Variants in COL12A1 observed in about 807,000 individuals in gnomAD.
COL12A1 encodes collagen alpha-1(XII) chain.
A neutral mutation model predicts 349.7 loss-of-function variants in COL12A1; 114 were observed. The observed-to-expected ratio is 0.33, with a 90% CI of 0.28 to 0.38. The LOEUF is 0.38. Among genes scored for constraint, COL12A1 ranks in the 10% least tolerant of loss-of-function variants. COL12A1 has a pLI of 1.00. For synonymous variants in COL12A1, 1,369 were observed against 1,329.0 expected, an observed-to-expected ratio of 1.03 and a Z score of -0.66; for missense variants, 3,284 against 3,756.9, an observed-to-expected ratio of 0.87 and a Z score of 3.29.
intron 14 of COL12A1, among the ~76,000 whole-genome samples, chr6:75,160,690 T>C (rs1335640832): frequency 6.6e-6 from 1 of 152,188 alleles, no homozygotes; most frequent in Non-Finnish European, 1.5e-5. Context: ...AAGTTCCTGA[T>C]ATAAAATGGC....
Position 75,090,399 on chromosome 6 carries a change from C to T in COL12A1, c.8753-101G>A, listed in dbSNP as rs1044585387. 11 of 1,087,118 alleles carry T rather than the reference C, an allele frequency of 1.0e-5. No homozygotes were observed. The African/African-American group carries it at 1.6e-4, about 16-fold the overall frequency. 67.3% of individuals were successfully genotyped at this position (1,087,118 alleles called of 1,614,324 possible). A position where few individuals can be genotyped will look rare whatever the true frequency, so the allele number is the denominator to read the frequency against. ...GTGTCTAGTGAAATCCATCTCCATT[C>T]TGCAACCCCTCTAAGGAAACAATCT... On this transcript the variant is annotated intron_variant, in intron 62 of 65. Coordinates refer to ENST00000322507, the MANE Select transcript of COL12A1 (RefSeq NM_004370.6). This position sits in a 1 kb window ranked among gnomAD's most constrained non-coding sequence, Gnocchi z 4.1.
intron 58 of COL12A1, among the ~76,000 whole-genome samples, chr6:75,098,843 C>T (rs1014373641): frequency 3.3e-5 from 5 of 152,200 alleles, no homozygotes; most frequent in East Asian, 1.9e-4. Context: ...CAGGCTTGAT[C>T]TCTGGCTCGT....
At chr6:75,137,355 C>A in intron 31 of COL12A1, 82 bp downstream of exon 31, 1 of 1,265,720 alleles carries the variant, frequency 7.9e-7, no homozygotes, top group Non-Finnish European at 1.1e-6. Context: ...GTAAGTATGA[C>A]TAACTAAGCA....
chr6:75,091,350 T>G lies in COL12A1; in HGVS notation c.8725A>C (p.Arg2909=), dbSNP rs1452797732. ...CTTATCAATTGTTCACAGACTTGTC[T>G]TGCAACTGCTCGCATCATGTTCTGG... ...ASQNMMRAVA[R]QVCEQLISGQ... Residue 2909 remains arginine, a synonymous_variant, in exon 62 of 66, where the codon AGA becomes CGA. Coordinates refer to ENST00000322507, the MANE Select transcript of COL12A1 (RefSeq NM_004370.6). 5 of 1,613,630 alleles carry G rather than the reference T, an allele frequency of 3.1e-6. No homozygotes were observed. The highest frequency in any genetic ancestry group is 4.2e-6 in the Non-Finnish European group (5 of 1,179,936).
Position 75,180,944 on chromosome 6 carries a change from T to A in COL12A1, c.2159A>T (p.Glu720Val), listed in dbSNP as rs1769240206. 6.2e-7 allele frequency: 1 copy of A among 1,609,064 alleles called. No individual in the cohort carries two copies. Among genetic ancestry groups the A allele is most frequent in the African/African-American group, 1.3e-5 (1 of 74,730 alleles). Reference sequence around the variant, plus strand: ...TGGCAGAAACCCCATCACACCTTCTTCGGTGGTCTCCTCTCCAGCTAAGGG... The same window carrying A: ...TGGCAGAAACCCCATCACACCTTCTACGGTGGTCTCCTCTCCAGCTAAGGG... ...SIPLAGEETT[E>V]EVKGAPRNLK... Residue 720 changes from glutamate (E) to valine (V), a missense_variant, in exon 11 of 66, where the codon GAA (glutamate) becomes GTA (valine). This residue lies in a region of COL12A1 where 2,601 missense variants were observed against 2,824.8 expected (regional missense o/e 0.92). Coordinates refer to ENST00000322507, the MANE Select transcript of COL12A1 (RefSeq NM_004370.6).
intron 58 of COL12A1, 134 bp downstream of exon 58, chr6:75,101,466 T>TAGCTTTGC: frequency 1.3e-6 from 1 of 792,634 alleles, no homozygotes; most frequent in Non-Finnish European, 2.0e-6. Context: ...CCACTGACAT[T>TAGCTTTGC]AGCTTTGCAG....
intron 13 of COL12A1, among the ~76,000 whole-genome samples, chr6:75,171,729 C>T (rs1256710308): frequency 6.6e-6 from 1 of 152,236 alleles, no homozygotes; most frequent in Non-Finnish European, 1.5e-5. Context: ...CATTTACCAT[C>T]ATATCCTATT....
intron 65 of COL12A1, 113 bp from the exon 66 acceptor site, chr6:75,086,670 AT>A (rs1767508178): frequency 5.5e-6 from 2 of 364,090 alleles, no homozygotes; most frequent in African/African-American, 4.5e-5. Flanking sequence ...ATATATATAT[AT>A]ATCCATATAT....
At chr6:75,147,917 G>T in intron 22 of COL12A1, 113 bp from the exon 23 acceptor site, 2 of 1,139,558 alleles carry the variant, frequency 1.8e-6, no homozygotes, top group Non-Finnish European at 2.4e-6. Context: ...TTTCAATTAG[G>T]CCATTGTCTT....
At chr6:75,149,524 T>C (rs1767374726) in intron 21 of COL12A1, among the ~76,000 whole-genome samples, 1 of 152,034 alleles carries the variant, frequency 6.6e-6, no homozygotes, top group African/African-American at 2.4e-5. Context: ...ATAGGTGAAA[T>C]GACTAATACA....
chr6:75,135,054 C>T (rs1049643002), intron 31 of COL12A1, among the ~76,000 whole-genome samples, 199 bp from the exon 32 acceptor site: 1 of 152,032 alleles, frequency 6.6e-6, no homozygotes, highest in African/African-American at 2.4e-5. Context: ...AAAAAGGATT[C>T]CAAGCTTTAA....
At chr6:75,103,684 C>T (rs374911727) in intron 55 of COL12A1, 73 bp downstream of exon 55, 242 of 1,310,072 alleles carry the variant, frequency 1.8e-4, no homozygotes, top group Non-Finnish European at 2.4e-4. Flanking sequence ...TCACATACCC[C>T]CTTTGTGAAA....
At position 75,084,521 on chromosome 6, in the gene COL12A1, C is replaced by T. The variant is rs58540334; in HGVS notation, c.*2026G>A. On this transcript the variant is annotated 3_prime_UTR_variant, in exon 66 of 66. Transcript: ENST00000322507. ...AAAAAAGTTCATACTAAATATACAA[C>T]ACAAACATGCAATTCCCTCTCTGCA... 170 of 152,700 alleles carry T rather than the reference C, an allele frequency of 1.1e-3. No homozygotes were observed. Among genetic ancestry groups the T allele is most frequent in the African/African-American group, 4.0e-3 (166 of 41,544 alleles). 9.5% of individuals were successfully genotyped at this position (152,700 alleles called of 1,614,324 possible).
rs769818518 is a variant in COL12A1, at chr6:75,090,298, C to A, written c.8753G>T (p.Gly2918Val). Reference protein sequence around the residue: ...ARQVCEQLISGQMNRFNQMLN... With the variant: ...ARQVCEQLISVQMNRFNQMLN... ...CATCTGATTGAATCTGTTCATCTGA[C>A]CTACAAGCAGAAATAAGGCTTGTTA... is the stretch of plus-strand genomic sequence containing the variant. The change falls in exon 63 of 66, where the codon GGT becomes GTT. Residue 2918 changes from glycine (G) to valine (V), a missense_variant and splice_region_variant. This residue lies in a region of COL12A1 where 683 missense variants were observed against 932.1 expected (regional missense o/e 0.73). Transcript: ENST00000322507. This position sits in a 1 kb window ranked among gnomAD's most constrained non-coding sequence, Gnocchi z 4.1. The A allele has an allele frequency of 1.6e-5, 26 of 1,599,184 alleles. No homozygotes were observed. Among genetic ancestry groups the A allele is most frequent in the Non-Finnish European group, 2.1e-5 (25 of 1,168,740 alleles).
intron 52 of COL12A1, among the ~76,000 whole-genome samples, chr6:75,107,448 T>G (rs1277731846): frequency 6.6e-6 from 1 of 152,048 alleles, no homozygotes; most frequent in African/African-American, 2.4e-5. Flanking sequence ...TTTTTGTTTT[T>G]TTAGTAGAGA....
intron 2 of COL12A1, 54 bp from the exon 3 acceptor site, chr6:75,195,001 A>G (rs1770145988): frequency 3.1e-6 from 3 of 982,802 alleles, no homozygotes; most frequent in Middle Eastern, 3.2e-4. Flanking sequence ...AAAATGGTCA[A>G]TTTAATTAAT....
chr6:75,126,224 G>T, intron 39 of COL12A1, 127 bp downstream of exon 39: 1 of 1,058,864 alleles, frequency 9.4e-7, no homozygotes, highest in South Asian at 2.1e-5. Flanking sequence ...CATTGCCTTT[G>T]GTTACAGGAA....
At chr6:75,140,109 T>A (rs1766820017) in intron 27 of COL12A1, among the ~76,000 whole-genome samples, 1 of 152,184 alleles carries the variant, frequency 6.6e-6, no homozygotes, top group Non-Finnish European at 1.5e-5. Flanking sequence ...ATATTAAAAA[T>A]ATTAATCTAC....
At chr6:75,126,251 A>C in intron 39 of COL12A1, 100 bp downstream of exon 39, 1 of 1,375,898 alleles carries the variant, frequency 7.3e-7, no homozygotes, top group Middle Eastern at 1.9e-4. Flanking sequence ...TGTGATCTGA[A>C]CTCTCAGGAG....
Sources: gnomAD v4.1 joint callset for allele counts (sites outside exome capture counted in the v4.1 genomes callset) on GRCh38, gnomAD v4.1.1 for gene constraint, gnomAD v4.1.1 regional missense constraint, Gnocchi (gnomAD v3.1) non-coding constraint, MANE v1.5 for transcripts, NCBI Gene and HGNC (gene_info 2026-07-23, HGNC 2026-07-21) for gene names.